The following ILDR1 variants were observed in gnomAD, a reference collection of about 807,000 sequenced individuals.
ILDR1 encodes the protein immunoglobulin-like domain-containing receptor 1.
ILDR1 carries 56 observed loss-of-function variants against 62.4 expected under a neutral mutation model. The ratio of observed to expected loss-of-function variants is 0.90; its 90% CI spans 0.72 to 1.12. ILDR1 has a LOEUF of 1.12. Among genes scored for constraint, ILDR1 ranks in the 50% most tolerant of loss-of-function variants. ILDR1 has a pLI of 0.00. For missense variants in ILDR1, 736 were observed against 710.6 expected, an observed-to-expected ratio of 1.04 and a Z score of -0.41; for synonymous variants, 284 against 277.8, an observed-to-expected ratio of 1.02 and a Z score of -0.22.
At chr3:122,047,788 C>T in the ILDR1 span, among the ~76,000 whole-genome samples, 1 of 152,244 alleles carries the variant, frequency 6.6e-6, no homozygotes, top group Non-Finnish European at 1.5e-5. Flanking sequence ...ACAGTGCACG[C>T]ACCCACTGGC....
upstream of ILDR1, among the ~76,000 whole-genome samples, chr3:122,022,985 CTA>C (rs1317885433): frequency 3.3e-5 from 5 of 150,112 alleles, no homozygotes; most frequent in Non-Finnish European, 7.4e-5. Context: ...TAGAGATAAA[CTA>C]GAGAAGTTGA....
At chr3:122,016,308 CA>C (rs2071776326) in intron 1 of ILDR1, among the ~76,000 whole-genome samples, 2 of 152,240 alleles carry the variant, frequency 1.3e-5, no homozygotes, top group African/African-American at 4.8e-5. Flanking sequence ...GGCCTTGTCA[CA>C]GTTGTATTTC....
At chr3:122,037,964 C>G in the ILDR1 span, among the ~76,000 whole-genome samples, 1 of 152,130 alleles carries the variant, frequency 6.6e-6, no homozygotes, top group African/African-American at 2.4e-5. Context: ...CTCTCTCTCT[C>G]TCTCTCTTTC....
chr3:122,036,019 A>G, the ILDR1 span, among the ~76,000 whole-genome samples: 1 of 152,204 alleles, frequency 6.6e-6, no homozygotes, highest in Non-Finnish European at 1.5e-5. Flanking sequence ...GACATGAACA[A>G]TGAAGTCTAG....
chr3:122,053,699 G>A, the ILDR1 span, among the ~76,000 whole-genome samples: 1 of 152,108 alleles, frequency 6.6e-6, no homozygotes, highest in Non-Finnish European at 1.5e-5. Context: ...TATACTTGAT[G>A]TACTATTAAT....
rs182772093 is a variant in ILDR1 at position 122,018,257 on chromosome 3, T to C, written c.58+3763A>G. On this transcript the variant is annotated intron_variant, in intron 1 of 7. Coordinates refer to ENST00000344209, the MANE Select transcript of ILDR1 (RefSeq NM_001199799.2). ...TCCTTTGCAGGGACATTGATGAAGC[T>C]GGGAACCATCATTCTCAGCAAACTA... Among the ~76,000 whole-genome samples the C allele has an allele frequency of 5.6e-4, 85 of 152,260 alleles. 1 individual carries two copies. The highest frequency in any genetic ancestry group is 1.2e-3 in the Non-Finnish European group (79 of 68,034).
chr3:122,007,375 G>C, intron 1 of ILDR1: 1 of 973,458 alleles, frequency 1.0e-6, no homozygotes, highest in Non-Finnish European at 1.5e-6. Flanking sequence ...AGGAAGAAAG[G>C]AGTGAGGAAA....
At chr3:122,007,671 C>T (rs138085822) in intron 1 of ILDR1, among the ~76,000 whole-genome samples, 4 of 152,292 alleles carry the variant, frequency 2.6e-5, no homozygotes, top group African/African-American at 9.6e-5. Flanking sequence ...TTCAGTCCTT[C>T]CCATGCTAAG....
At chr3:121,994,366 C>T in intron 5 of ILDR1, 53 bp from the exon 6 acceptor site, 1 of 1,495,238 alleles carries the variant, frequency 6.7e-7, no homozygotes, top group South Asian at 1.3e-5. Context: ...AGCCCCACAC[C>T]TCCCACTTCA....
At chr3:121,999,802 C>A (rs2071490385) in intron 5 of ILDR1, among the ~76,000 whole-genome samples, 2 of 152,084 alleles carry the variant, frequency 1.3e-5, no homozygotes, top group Non-Finnish European at 2.9e-5. Context: ...CTCACAGTGA[C>A]CACCCCTTTC....
the ILDR1 span, among the ~76,000 whole-genome samples, chr3:122,028,644 G>A: frequency 6.6e-6 from 1 of 152,202 alleles, no homozygotes; most frequent in African/African-American, 2.4e-5. Flanking sequence ...ATTCACATAA[G>A]AAGCAATCTG....
At chr3:122,052,740 T>G in the ILDR1 span, among the ~76,000 whole-genome samples, 12 of 152,224 alleles carry the variant, frequency 7.9e-5, no homozygotes, top group African/African-American at 2.9e-4. Flanking sequence ...GGCTAATTTT[T>G]GTATTTTTAG....
At chr3:122,050,245 GT>G in the ILDR1 span, among the ~76,000 whole-genome samples, 5 of 152,244 alleles carry the variant, frequency 3.3e-5, no homozygotes, top group Admixed American at 1.3e-4. Context: ...GGGCAGCTTA[GT>G]CCATTTATAT....
chr3:122,036,110 A>T, the ILDR1 span, among the ~76,000 whole-genome samples: 1 of 152,346 alleles, frequency 6.6e-6, no homozygotes, highest in African/African-American at 2.4e-5. Flanking sequence ...TAGCAAAGAA[A>T]CTGGTGGCAT....
At chr3:122,056,803 T>C in the ILDR1 span, among the ~76,000 whole-genome samples, 2 of 152,194 alleles carry the variant, frequency 1.3e-5, no homozygotes, top group Non-Finnish European at 2.9e-5. Context: ...GTTATACTTG[T>C]ATGAAGAAAA....
intron 5 of ILDR1, among the ~76,000 whole-genome samples, chr3:121,997,722 A>C (rs886815015): frequency 3.3e-5 from 5 of 152,226 alleles, no homozygotes; most frequent in Non-Finnish European, 7.3e-5. Flanking sequence ...GCTGTGGCCT[A>C]CTGCTGGGCA....
the ILDR1 span, among the ~76,000 whole-genome samples, chr3:122,027,586 A>T: frequency 2.6e-5 from 4 of 152,328 alleles, no homozygotes; most frequent in Admixed American, 2.0e-4. Context: ...TTCTTCCCAA[A>T]TTAACAAATT....
At chr3:122,030,326 A>G in the ILDR1 span, among the ~76,000 whole-genome samples, 10 of 151,826 alleles carry the variant, frequency 6.6e-5, no homozygotes. Context: ...CTTTGACAAC[A>G]TGAAGCAGGG....
the ILDR1 span, among the ~76,000 whole-genome samples, chr3:122,041,613 G>A: frequency 6.6e-6 from 1 of 152,038 alleles, no homozygotes; most frequent in African/African-American, 2.4e-5. Context: ...CAGCATATAG[G>A]TCTTTTACCT....
Sources: allele counts gnomAD v4.1 joint callset (sites outside exome capture counted in the v4.1 genomes callset), GRCh38; gene constraint gnomAD v4.1.1; transcripts MANE v1.5; gene names NCBI Gene and HGNC (gene_info 2026-07-23, HGNC 2026-07-21).